ZDHHC14: variants seen among roughly 807,000 people sequenced by gnomAD.
ZDHHC14 encodes the protein palmitoyltransferase ZDHHC14.
In ZDHHC14, 16 loss-of-function variants were observed where a neutral mutation model predicts 47.7. The observed-to-expected ratio is 0.34, with a 90% CI of 0.23 to 0.51. The LOEUF (loss-of-function observed/expected upper bound fraction) is 0.51. Among genes scored for constraint, ZDHHC14 ranks in the 20% least tolerant of loss-of-function variants. The pLI is 0.97. For missense variants in ZDHHC14, 515 were observed against 662.5 expected (o/e 0.78, Z 2.44); for synonymous variants, 293 against 278.9 (o/e 1.05, Z -0.50).
chr6:157,592,755 G>T (rs1160925382), intron 2 of ZDHHC14: 1 of 1,319,410 alleles, frequency 7.6e-7, no homozygotes, highest in East Asian at 3.1e-5. Flanking sequence ...CATGTGTGCT[G>T]TGCTCCATTG....
chr6:157,545,972 C>T (rs1781956226), intron 2 of ZDHHC14, among the ~76,000 whole-genome samples: 1 of 152,194 alleles, frequency 6.6e-6, no homozygotes, highest in South Asian at 2.1e-4. Flanking sequence ...AGTAAATGAT[C>T]GTTTTTTGTT....
Position 157,512,879 on chromosome 6 carries a change from G to A in ZDHHC14, c.246-29706G>A, listed in dbSNP as rs559739925. ...ATTATTTATTTTATAGATTCCAGCT[G>A]CATATGTTTCCTAACCTCAGGAAAA... On this transcript the variant is annotated intron_variant, in intron 1 of 8. Transcript: ENST00000359775. Among the ~76,000 whole-genome samples, 3 of 152,274 alleles carry A rather than the reference G, an allele frequency of 2.0e-5. No homozygotes were observed. The East Asian group carries it at 5.8e-4, about 29-fold the overall frequency.
At chr6:157,540,602 T>C (rs1218810899) in intron 1 of ZDHHC14, among the ~76,000 whole-genome samples, 3 of 152,174 alleles carry the variant, frequency 2.0e-5, no homozygotes, top group Non-Finnish European at 2.9e-5. Context: ...CTGGTTCACG[T>C]TGTCCAGCTG....
At chr6:157,638,498 A>C (rs1229625607) in intron 5 of ZDHHC14, among the ~76,000 whole-genome samples, 2 of 150,044 alleles carry the variant, frequency 1.3e-5, no homozygotes, top group Non-Finnish European at 1.5e-5. Flanking sequence ...AGACTTCTCA[A>C]AAAAAAAAAA....
intron 3 of ZDHHC14, among the ~76,000 whole-genome samples, chr6:157,599,797 C>T (rs1442170017): frequency 6.6e-6 from 1 of 152,168 alleles, no homozygotes; most frequent in Non-Finnish European, 1.5e-5. Context: ...AACAACCAAC[C>T]AAGGCATTAA....
intron 1 of ZDHHC14, among the ~76,000 whole-genome samples, chr6:157,383,100 C>T (rs2114726943): frequency 6.6e-6 from 1 of 152,286 alleles, no homozygotes. Context: ...TCAAATTGGC[C>T]AGTAGCAACT....
At chr6:157,390,826 TTAA>T (rs1156745050) in intron 1 of ZDHHC14, among the ~76,000 whole-genome samples, 14 of 152,360 alleles carry the variant, frequency 9.2e-5, no homozygotes, top group African/African-American at 3.4e-4. Flanking sequence ...TAATCATCCT[TTAA>T]TAATTCCAAC....
At position 157,505,744 on chromosome 6, in the gene ZDHHC14, A is replaced by T. The variant is rs551768602; in HGVS notation, c.246-36841A>T. ...GCAGGGATCAGAAGTTAAAAAAAAA[A>T]TTTGTTTAAACGAAGAATTAAATTG... is the stretch of plus-strand genomic sequence containing the variant. On this transcript the variant is annotated intron_variant, in intron 1 of 8. Transcript: ENST00000359775. Among the ~76,000 whole-genome samples the T allele has an allele frequency of 3.9e-3, 576 of 147,246 alleles. 3 individuals carry two copies. The highest frequency in any genetic ancestry group is 0.014 in the African/African-American group (550 of 39,564).
intron 1 of ZDHHC14, among the ~76,000 whole-genome samples, chr6:157,466,777 C>T (rs147683414): frequency 1.1e-4 from 17 of 151,258 alleles, no homozygotes; most frequent in African/African-American, 1.9e-4. Flanking sequence ...GATGAAAGCT[C>T]GTGAGCCGAG....
chr6:157,516,756 A>G (rs958044534), intron 1 of ZDHHC14, among the ~76,000 whole-genome samples: 2 of 152,326 alleles, frequency 1.3e-5, no homozygotes, highest in Non-Finnish European at 2.9e-5. Flanking sequence ...GGAAATGGCA[A>G]CCTTCTGTGG....
intron 1 of ZDHHC14, among the ~76,000 whole-genome samples, chr6:157,409,251 G>A (rs939236613): frequency 1.3e-5 from 2 of 152,258 alleles, no homozygotes; most frequent in Non-Finnish European, 2.9e-5. Context: ...GGATGTGGGT[G>A]TGTTGAATCC....
chr6:157,673,181 C>T lies in ZDHHC14; in HGVS notation c.*59C>T. ...CTCCTCCATGGGCAGCAGGAGTGAG[C>T]GGAGGGGTGTGTCCCACAGCGACTT... On this transcript the variant is annotated 3_prime_UTR_variant, in exon 9 of 9. Coordinates refer to ENST00000359775, the MANE Select transcript of ZDHHC14 (RefSeq NM_024630.3). This position sits in a 1 kb window ranked among gnomAD's most constrained non-coding sequence, Gnocchi z 5.4. 2.7e-6 allele frequency: 4 copies of T among 1,487,060 alleles called. No homozygotes were observed. Among genetic ancestry groups the T allele is most frequent in the African/African-American group, 1.4e-5 (1 of 69,810 alleles). The allele number at this position is 1,487,060 out of a possible 1,614,324, so 92.1% of individuals were successfully genotyped here.
chr6:157,596,181 A>T (rs1194505091), intron 3 of ZDHHC14, among the ~76,000 whole-genome samples: 1 of 152,232 alleles, frequency 6.6e-6, no homozygotes, highest in East Asian at 1.9e-4. Flanking sequence ...GCAGGACAGT[A>T]GTTTGGACAT....
chr6:157,470,443 A>G (rs968408171), intron 1 of ZDHHC14, among the ~76,000 whole-genome samples: 1 of 152,250 alleles, frequency 6.6e-6, no homozygotes, highest in Non-Finnish European at 1.5e-5. Flanking sequence ...TAAAAATAAT[A>G]AGGAAGATTA....
intron 1 of ZDHHC14, among the ~76,000 whole-genome samples, chr6:157,540,884 A>ATGTGTGTGTGTGTGTGTGTGTGTGTG (rs761747961): frequency 8.5e-6 from 1 of 117,708 alleles, no homozygotes; most frequent in Non-Finnish European, 1.6e-5. Flanking sequence ...ATATATATGT[A>ATGTGTGTGTGTGTGTGTGTGTGTGTG]TGTATGTGTG....
chr6:157,580,688 AGTACT>A (rs1389126784), intron 2 of ZDHHC14, among the ~76,000 whole-genome samples: 1 of 150,286 alleles, frequency 6.7e-6, no homozygotes, highest in Non-Finnish European at 1.5e-5. Flanking sequence ...AGGTGTTCAT[AGTACT>A]GTCTGGGTTT....
rs9331339 is a variant in ZDHHC14 at position 157,477,475 on chromosome 6, A to C, written c.246-65110A>C. On this transcript the variant is annotated intron_variant, in intron 1 of 8. Coordinates refer to ENST00000359775, the MANE Select transcript of ZDHHC14 (RefSeq NM_024630.3). ...GATAACCCTCAAGATTTCACCAAAAAACTGTTAACACTTTTGATTTTTGAA... is the reference window on the plus strand; with the variant it reads ...GATAACCCTCAAGATTTCACCAAAACACTGTTAACACTTTTGATTTTTGAA... Among the ~76,000 whole-genome samples, 424 of 152,362 alleles carry C rather than the reference A, an allele frequency of 2.8e-3. 2 individuals are homozygous for C. Among genetic ancestry groups the C allele is most frequent in the African/African-American group, 9.5e-3 (395 of 41,590 alleles).
At chr6:157,492,199 C>T (rs1444691547) in intron 1 of ZDHHC14, among the ~76,000 whole-genome samples, 3 of 123,248 alleles carry the variant, frequency 2.4e-5, no homozygotes, top group East Asian at 2.4e-4. Flanking sequence ...ATCCCCCCTC[C>T]GCCCCCGCCC....
intron 3 of ZDHHC14, among the ~76,000 whole-genome samples, chr6:157,618,691 C>T (rs1785064689): frequency 1.3e-5 from 2 of 152,086 alleles, no homozygotes; most frequent in South Asian, 2.1e-4. Flanking sequence ...GCTCAGAGAC[C>T]TCTCCAGTGG....
Sources: gnomAD v4.1 joint callset for allele counts (sites outside exome capture counted in the v4.1 genomes callset) on GRCh38, gnomAD v4.1.1 for gene constraint, Gnocchi (gnomAD v3.1) non-coding constraint, MANE v1.5 for transcripts, NCBI Gene and HGNC (gene_info 2026-07-23, HGNC 2026-07-21) for gene names.